Variants in DHX15 observed in about 807,000 individuals in gnomAD.
DHX15 encodes the protein DEAH-box helicase 15, also known as ATP-dependent RNA helicase DHX15.
Under a neutral mutation model 94.4 loss-of-function variants are expected in DHX15, and 11 were observed. That is an observed-to-expected ratio of 0.12 (90% CI 0.07 to 0.19). DHX15 has a LOEUF of 0.19. Among genes scored for constraint, DHX15 ranks in the 10% least tolerant of loss-of-function variants. DHX15 has a pLI of 1.00. For synonymous variants in DHX15, 338 were observed against 329.9 expected, an observed-to-expected ratio of 1.02 and a Z score of -0.27; for missense variants, 304 against 988.5, an observed-to-expected ratio of 0.31 and a Z score of 9.29.
At chr4:24,544,544 G>A (rs1286312495) in intron 6 of DHX15, among the ~76,000 whole-genome samples, 3 of 152,174 alleles carry the variant, frequency 2.0e-5, no homozygotes, top group Admixed American at 6.5e-5. Context: ...AACTAGAACT[G>A]AAGCAAACAA....
intron 2 of DHX15, among the ~76,000 whole-genome samples, chr4:24,571,134 A>C (rs983699732): frequency 6.6e-6 from 1 of 152,240 alleles, no homozygotes; most frequent in Admixed American, 6.5e-5. Flanking sequence ...ATTTTAAAAA[A>C]TCCAACTTAC....
chr4:24,580,256 A>G (rs1393905991), intron 1 of DHX15, among the ~76,000 whole-genome samples: 1 of 152,062 alleles, frequency 6.6e-6, no homozygotes, highest in African/African-American at 2.4e-5. Flanking sequence ...AAAAAATTTT[A>G]AACTTAGCTA....
intron 6 of DHX15, among the ~76,000 whole-genome samples, chr4:24,547,896 TG>T (rs1721466178): frequency 5.8e-5 from 2 of 34,466 alleles, no homozygotes; most frequent in Non-Finnish European, 6.5e-5. Flanking sequence ...TCTCTATGTA[TG>T]TATGTGTATA....
At chr4:24,575,533 T>C (rs1191091135) in intron 2 of DHX15, among the ~76,000 whole-genome samples, 1 of 152,244 alleles carries the variant, frequency 6.6e-6, no homozygotes, top group Non-Finnish European at 1.5e-5. Flanking sequence ...CACGTTTTAA[T>C]AGTTTCCCAC....
intron 3 of DHX15, among the ~76,000 whole-genome samples, chr4:24,558,216 G>C (rs1422803124): frequency 6.6e-6 from 1 of 152,098 alleles, no homozygotes; most frequent in Non-Finnish European, 1.5e-5. Flanking sequence ...TCGAGTTCAA[G>C]CATTCACAGG....
intron 1 of DHX15, among the ~76,000 whole-genome samples, chr4:24,583,617 G>A (rs574882486): frequency 6.6e-6 from 1 of 152,212 alleles, no homozygotes; most frequent in South Asian, 2.1e-4. Flanking sequence ...GTGTTTGAAT[G>A]GACCAAGGCA....
At chr4:24,536,944 T>C in intron 11 of DHX15, 107 bp downstream of exon 11, 1 of 1,294,912 alleles carries the variant, frequency 7.7e-7, no homozygotes, top group South Asian at 1.8e-5. Flanking sequence ...CCTCTGGGTT[T>C]CTAATATAAG....
intron 11 of DHX15, chr4:24,533,790 G>C (rs1255002798): frequency 6.6e-6 from 1 of 152,208 alleles, no homozygotes; most frequent in Non-Finnish European, 1.5e-5. Context: ...GCCAAAGACA[G>C]TCATGGCAAA....
intron 2 of DHX15, among the ~76,000 whole-genome samples, chr4:24,571,091 T>TG (rs1470303872): frequency 1.3e-5 from 2 of 152,216 alleles, no homozygotes; most frequent in African/African-American, 2.4e-5. Context: ...CTCGACAGTG[T>TG]GACTATCCCA....
rs1426127957 is a variant in DHX15, at chr4:24,584,487, AC to A, written c.-95del. ...AGCCACTTAACTCTGGAGGACCCCC[AC>A]CCCTCCCGCTACTACAGCCCACACG... On this transcript the variant is annotated 5_prime_UTR_variant, in exon 1 of 14. Transcript: ENST00000336812. The A allele has an allele frequency of 9.0e-6, 11 of 1,222,140 alleles. 1 individual carries two copies. In the East Asian group the frequency reaches 2.0e-4, roughly 23 times the overall value. 75.7% of individuals were successfully genotyped at this position (1,222,140 alleles called of 1,614,324 possible).
chr4:24,568,013 A>G (rs1266077603), intron 3 of DHX15, among the ~76,000 whole-genome samples: 4 of 152,232 alleles, frequency 2.6e-5, no homozygotes, highest in Non-Finnish European at 5.9e-5. Flanking sequence ...TGTCAGATCT[A>G]TAACCTAAAA....
In DHX15 at chr4:24,543,026, C is replaced by G; in HGVS notation, c.1249G>C (p.Val417Leu). Residue 417 changes from valine to leucine, a missense_variant and splice_region_variant, in exon 7 of 14, where the codon GTA (valine) becomes CTA (leucine). Coordinates refer to ENST00000336812, the MANE Select transcript of DHX15 (RefSeq NM_001358.3). ...KKQNGAIGRKVVVSTNIAETS... is the reference protein window; with the variant it reads ...KKQNGAIGRKLVVSTNIAETS... ...TCTGCTATGTTAGTTGACACAACTA[C>G]CTGTTAAGAAATAGAGTATATAAAT... The G allele has an allele frequency of 6.3e-7, 1 of 1,599,908 alleles. No homozygotes were observed. Among genetic ancestry groups the G allele is most frequent in the Admixed American group, 1.7e-5 (1 of 59,870 alleles).
chr4:24,538,360 C>A (rs946801262), intron 10 of DHX15: 1 of 152,060 alleles, frequency 6.6e-6, no homozygotes, highest in Non-Finnish European at 1.5e-5. Context: ...AAAACATGAT[C>A]ATAATAAATA....
chr4:24,564,943 C>T (rs1721961558), intron 3 of DHX15, among the ~76,000 whole-genome samples: 1 of 152,332 alleles, frequency 6.6e-6, no homozygotes, highest in Non-Finnish European at 1.5e-5. Flanking sequence ...TCAAACCATA[C>T]AGCTTTGTTA....
chr4:24,548,744 AT>A, intron 6 of DHX15, 110 bp downstream of exon 6: 1 of 1,039,604 alleles, frequency 9.6e-7, no homozygotes, highest in Admixed American at 2.8e-5. Context: ...ATTTTGTTGT[AT>A]AAAACCTAGA....
chr4:24,533,411 T>C (rs1031552091), intron 11 of DHX15: 21 of 286,198 alleles, frequency 7.3e-5, no homozygotes, highest in Non-Finnish European at 4.7e-5. Flanking sequence ...GCCTGTTCAT[T>C]TTCAATGAAA....
chr4:24,584,554 G>C lies in DHX15; in HGVS notation c.-161C>G, dbSNP rs1407275825. 2 of 673,400 alleles carry C rather than the reference G, an allele frequency of 3.0e-6. No individual in the cohort carries two copies. The highest frequency in any genetic ancestry group is 3.9e-5 in the Admixed American group (1 of 25,796). The allele number at this position is 673,400 out of a possible 1,614,324, so 41.7% of individuals were successfully genotyped here. A position where few individuals can be genotyped will look rare whatever the true frequency, so the allele number is the denominator to read the frequency against. On this transcript the variant is annotated 5_prime_UTR_variant, in exon 1 of 14. Coordinates refer to ENST00000336812, the MANE Select transcript of DHX15 (RefSeq NM_001358.3). ...ACAGCTAAAATGGCGGCGGCGACGA[G>C]GGCTGGGCCTGCGCGCGCGCGCGCT...
intron 10 of DHX15, among the ~76,000 whole-genome samples, chr4:24,539,516 G>T (rs148952620): frequency 6.6e-6 from 1 of 152,080 alleles, no homozygotes; most frequent in East Asian, 1.9e-4. Flanking sequence ...CAAAATTAGC[G>T]ATTTTATATA....
In DHX15 at chr4:24,556,244, A is replaced by T. The variant is rs749825474; in HGVS notation, c.861+7T>A. On this transcript the variant is annotated splice_region_variant and intron_variant, in intron 4 of 13. Transcript: ENST00000336812. Reference sequence around the variant, plus strand: ...TATAGTTAAATGGAGAGAAGAAATTACTTCACCTTTAAATCTGATCTCTGT... The same window carrying T: ...TATAGTTAAATGGAGAGAAGAAATTTCTTCACCTTTAAATCTGATCTCTGT... The T allele has an allele frequency of 6.2e-7, 1 of 1,612,580 alleles. No homozygotes were observed. Among genetic ancestry groups the T allele is most frequent in the Non-Finnish European group, 8.5e-7 (1 of 1,179,024 alleles).
Sources: allele counts gnomAD v4.1 joint callset (sites outside exome capture counted in the v4.1 genomes callset), GRCh38; gene constraint gnomAD v4.1.1; transcripts MANE v1.5; gene names NCBI Gene and HGNC (gene_info 2026-07-23, HGNC 2026-07-21).